Variants in AKT3 observed in about 807,000 individuals in gnomAD.
AKT3 encodes the protein RAC-gamma serine/threonine-protein kinase.
In AKT3, 15 loss-of-function variants were observed where a neutral mutation model predicts 65.3. The ratio of observed to expected loss-of-function variants is 0.23; its 90% confidence interval spans 0.15 to 0.35. AKT3 has a LOEUF of 0.35. Among genes scored for constraint, AKT3 ranks in the 10% least tolerant of loss-of-function variants. The pLI is 1.00. For synonymous variants in AKT3, 206 were observed against 183.8 expected (o/e 1.12, Z -0.98); for missense variants, 243 against 576.5 (o/e 0.42, Z 5.92).
intron 12 of AKT3, among the ~76,000 whole-genome samples, chr1:243,539,615 A>G (rs1672167694): frequency 6.6e-6 from 1 of 152,220 alleles, no homozygotes; most frequent in Non-Finnish European, 1.5e-5. Context: ...TTTAAAGTGT[A>G]AAACAATTAA....
intron 2 of AKT3, among the ~76,000 whole-genome samples, chr1:243,836,144 G>A (rs542025221): frequency 4.6e-5 from 7 of 152,024 alleles, no homozygotes; most frequent in South Asian, 2.1e-4. Context: ...TGCTGTCAAC[G>A]AGAGAAACAG....
At chr1:243,576,989 A>G (rs1314854982) in intron 8 of AKT3, among the ~76,000 whole-genome samples, 2 of 152,250 alleles carry the variant, frequency 1.3e-5, no homozygotes, top group South Asian at 2.1e-4. Flanking sequence ...TTACAAGGCT[A>G]TAGTAACCAA....
At chr1:243,761,895 C>T (rs932955945) in intron 2 of AKT3, among the ~76,000 whole-genome samples, 3 of 151,958 alleles carry the variant, frequency 2.0e-5, no homozygotes, top group African/African-American at 4.8e-5. Context: ...ATTTTGATTC[C>T]TTTATCCTGG....
At chr1:243,823,193 A>G (rs937308806) in intron 2 of AKT3, among the ~76,000 whole-genome samples, 1 of 152,222 alleles carries the variant, frequency 6.6e-6, no homozygotes, top group African/African-American at 2.4e-5. Context: ...GATTATCTCA[A>G]AAGACTCAGA....
intron 5 of AKT3, among the ~76,000 whole-genome samples, chr1:243,642,013 G>A (rs1189954130): frequency 2.0e-5 from 3 of 152,000 alleles, no homozygotes; most frequent in Non-Finnish European, 4.4e-5. Flanking sequence ...AAGTATGACA[G>A]CCTTCACTGA....
intron 2 of AKT3, among the ~76,000 whole-genome samples, chr1:243,836,541 T>A (rs372293832): frequency 1.3e-5 from 2 of 151,142 alleles, no homozygotes; most frequent in African/African-American, 4.8e-5. Context: ...ACTAGATATT[T>A]ATAACACTAT....
At chr1:243,805,599 T>A (rs1692674442) in intron 2 of AKT3, among the ~76,000 whole-genome samples, 1 of 152,188 alleles carries the variant, frequency 6.6e-6, no homozygotes, top group South Asian at 2.1e-4. Flanking sequence ...ATTCATGATA[T>A]TTCTTTTATT....
At chr1:243,523,383 C>A (rs1670852151) in intron 12 of AKT3, among the ~76,000 whole-genome samples, 1 of 151,898 alleles carries the variant, frequency 6.6e-6, no homozygotes, top group Non-Finnish European at 1.5e-5. Context: ...AGAACAGGAA[C>A]AGGCAAAGAA....
At chr1:243,750,405 GTATACA>G (rs1688730063) in intron 2 of AKT3, among the ~76,000 whole-genome samples, 1 of 77,750 alleles carries the variant, frequency 1.3e-5, no homozygotes, top group Non-Finnish European at 2.8e-5. Context: ...ATGCATGCAC[GTATACA>G]CACACACACA....
chr1:243,517,318 T>C (rs770824610), intron 12 of AKT3, among the ~76,000 whole-genome samples: 6 of 152,218 alleles, frequency 3.9e-5, no homozygotes, highest in Non-Finnish European at 5.9e-5. Context: ...AAATGTCAGT[T>C]AGATCAAGCT....
intron 2 of AKT3, among the ~76,000 whole-genome samples, chr1:243,805,945 C>T (rs1229785116): frequency 6.6e-6 from 1 of 152,138 alleles, no homozygotes; most frequent in Non-Finnish European, 1.5e-5. Flanking sequence ...AACCATTTTC[C>T]TTCCCAAATT....
rs141838498 is a variant in AKT3, at chr1:243,686,200, A to G, written c.172+9391T>C. ...ACTGCCCAAAGTAATTTATAGGTTCAATGCTATCCCCATCAAGCTACCATT... is the reference window on the plus strand; with the variant it reads ...ACTGCCCAAAGTAATTTATAGGTTCGATGCTATCCCCATCAAGCTACCATT... On this transcript the variant is annotated intron_variant, in intron 3 of 13. Transcript: ENST00000673466. 2.8e-3 allele frequency among the ~76,000 whole-genome samples: 422 copies of G among 152,256 alleles called. 4 individuals carry two copies. Among genetic ancestry groups the G allele is most frequent in the African/African-American group, 9.5e-3 (393 of 41,554 alleles).
chr1:243,698,919 A>G (rs1217538665), intron 2 of AKT3, among the ~76,000 whole-genome samples: 2 of 152,014 alleles, frequency 1.3e-5, no homozygotes, highest in African/African-American at 2.4e-5. Context: ...GGACCAAAAA[A>G]AAAAAAAAAG....
At chr1:243,489,661 G>C (rs1665888212) in intron 13 of AKT3, among the ~76,000 whole-genome samples, 1 of 152,212 alleles carries the variant, frequency 6.6e-6, no homozygotes, top group Non-Finnish European at 1.5e-5. Flanking sequence ...GTTACACACA[G>C]AACATGCATT....
intron 2 of AKT3, among the ~76,000 whole-genome samples, chr1:243,795,121 C>T (rs998522108): frequency 1.3e-5 from 2 of 151,820 alleles, no homozygotes; most frequent in African/African-American, 2.4e-5. Flanking sequence ...CACTCCCTCT[C>T]CACCTCTCTA....
intron 10 of AKT3, among the ~76,000 whole-genome samples, chr1:243,563,236 G>A (rs141559781): frequency 0.015 from 2,309 of 152,210 alleles, 23 homozygotes; most frequent in Non-Finnish European, 0.023. Flanking sequence ...GCACAGGGAA[G>A]TTACCAGTTT....
At chr1:243,730,532 C>T (rs545955562) in intron 2 of AKT3, among the ~76,000 whole-genome samples, 2 of 152,322 alleles carry the variant, frequency 1.3e-5, no homozygotes, top group Non-Finnish European at 2.9e-5. Context: ...GGGGCCGAGA[C>T]ATCAGGATTT....
intron 8 of AKT3, among the ~76,000 whole-genome samples, chr1:243,610,738 T>A (rs560103234): frequency 1.4e-4 from 21 of 152,240 alleles, no homozygotes; most frequent in Non-Finnish European, 2.8e-4. Flanking sequence ...ACCCAGTGCA[T>A]AATTTCAGAG....
At chr1:243,792,981 A>G (rs757359320) in intron 2 of AKT3, among the ~76,000 whole-genome samples, 37 of 152,350 alleles carry the variant, frequency 2.4e-4, no homozygotes, top group Non-Finnish European at 4.7e-4. Context: ...ATCTAATGTC[A>G]GAACAGAAAC....
Sources: gnomAD v4.1 joint callset for allele counts (sites outside exome capture counted in the v4.1 genomes callset) on GRCh38, gnomAD v4.1.1 for gene constraint, MANE v1.5 for transcripts, NCBI Gene and HGNC (gene_info 2026-07-23, HGNC 2026-07-21) for gene names.